CERS6: variants seen among roughly 807,000 people sequenced by gnomAD.
The protein encoded by CERS6 is ceramide synthase 6.
CERS6 carries 26 observed loss-of-function variants against 56.8 expected under a neutral mutation model. The observed-to-expected ratio is 0.46, with a 90% CI of 0.34 to 0.63. The LOEUF (loss-of-function observed/expected upper bound fraction) is 0.63. CERS6 is among the 30% of genes least tolerant of loss of function. The probability of loss-of-function intolerance (pLI) is 0.01; values close to 1 mark genes in which losing one functional copy is unlikely to be tolerated. For missense variants in CERS6, 415 were observed against 467.5 expected (o/e 0.89, Z 1.04); for synonymous variants, 164 against 173.3 (o/e 0.95, Z 0.42).
intron 6 of CERS6, among the ~76,000 whole-genome samples, chr2:168,705,995 C>T (rs557181676): frequency 6.6e-6 from 1 of 152,280 alleles, no homozygotes; most frequent in South Asian, 2.1e-4. Flanking sequence ...TTAAACAGAA[C>T]CCAGAAGGTG....
At chr2:168,643,379 G>A (rs1685092318) in intron 4 of CERS6, among the ~76,000 whole-genome samples, 1 of 152,152 alleles carries the variant, frequency 6.6e-6, no homozygotes, top group Non-Finnish European at 1.5e-5. Context: ...GGCTAGGCAG[G>A]AAAATGATTC....
chr2:168,542,169 C>T (rs1465903638), intron 1 of CERS6, among the ~76,000 whole-genome samples: 3 of 151,818 alleles, frequency 2.0e-5, no homozygotes, highest in African/African-American at 2.4e-5. Context: ...GTTGTGAAAT[C>T]CATTAGCTCA....
chr2:168,588,310 C>G (rs548455008), intron 3 of CERS6, among the ~76,000 whole-genome samples: 1 of 152,232 alleles, frequency 6.6e-6, no homozygotes, highest in South Asian at 2.1e-4. Context: ...CTTCTGCGTA[C>G]ATTCACTGTG....
rs770755770 is a variant in CERS6, at chr2:168,563,882, T to C, written c.407+2560T>C. On this transcript the variant is annotated intron_variant, in intron 3 of 9. Transcript: ENST00000305747. ...TAAAGGGAAAGGATCAACTGTAGGT[T>C]GGGGTGCACGGGGGGTTTGCTGGGA... Among the ~76,000 whole-genome samples, 5 of 151,954 alleles carry C rather than the reference T, an allele frequency of 3.3e-5. No individual in the cohort carries two copies. In the South Asian group the frequency reaches 6.2e-4, roughly 19 times the overall value.
intron 2 of CERS6, 115 bp from the exon 3 acceptor site, chr2:168,561,077 G>T: frequency 9.5e-7 from 1 of 1,052,890 alleles, no homozygotes; most frequent in East Asian, 2.5e-5. Context: ...AATCTCAGTA[G>T]CAGATAGTAA....
At chr2:168,759,427 A>C (rs897842977) in intron 8 of CERS6, among the ~76,000 whole-genome samples, 1 of 152,230 alleles carries the variant, frequency 6.6e-6, no homozygotes, top group African/African-American at 2.4e-5. Flanking sequence ...AAGTGAGCCT[A>C]ACATGAATGA....
chr2:168,664,662 A>G (rs1356332271), intron 4 of CERS6, among the ~76,000 whole-genome samples: 1 of 152,074 alleles, frequency 6.6e-6, no homozygotes, highest in Non-Finnish European at 1.5e-5. Flanking sequence ...GGCATTTGTA[A>G]ACTGTCATGG....
rs114098126 is a variant in CERS6 at position 168,653,138 on chromosome 2, A to G, written c.465+22096A>G. Among the ~76,000 whole-genome samples, 732 of 152,332 alleles carry G rather than the reference A, an allele frequency of 4.8e-3. 5 individuals are homozygous for G. Among genetic ancestry groups the G allele is most frequent in the African/African-American group, 0.017 (702 of 41,576 alleles). On this transcript the variant is annotated intron_variant, in intron 4 of 9. Transcript: ENST00000305747. ...AGTTTCTGTTGTTGTTTTTAACAGT[A>G]TTGTCATGAGTATTAAAATCACTTA...
chr2:168,670,966 T>C (rs1303352112), intron 4 of CERS6, among the ~76,000 whole-genome samples: 32 of 30,562 alleles, frequency 1.0e-3, no homozygotes, highest in Middle Eastern at 0.021. Flanking sequence ...GATACATGCT[T>C]CCCCCCCCCC....
At chr2:168,495,477 A>G (rs1234230430) in intron 1 of CERS6, among the ~76,000 whole-genome samples, 2 of 152,180 alleles carry the variant, frequency 1.3e-5, no homozygotes, top group South Asian at 2.1e-4. Context: ...ACTTGGTTCC[A>G]TCTTTGCTTC....
chr2:168,656,479 C>T (rs1685472531), intron 4 of CERS6, among the ~76,000 whole-genome samples: 1 of 151,722 alleles, frequency 6.6e-6, no homozygotes, highest in Non-Finnish European at 1.5e-5. Flanking sequence ...GAGTTTCTTC[C>T]TTCTGGTGGG....
intron 8 of CERS6, among the ~76,000 whole-genome samples, chr2:168,725,921 A>C (rs1683336676): frequency 6.6e-6 from 1 of 152,176 alleles, no homozygotes; most frequent in Non-Finnish European, 1.5e-5. Flanking sequence ...GAGTAAATCT[A>C]CCCATCATTG....
intron 4 of CERS6, among the ~76,000 whole-genome samples, chr2:168,632,277 T>TC (rs1684765477): frequency 6.6e-6 from 1 of 152,204 alleles, no homozygotes; most frequent in Non-Finnish European, 1.5e-5. Flanking sequence ...TATTACAGAA[T>TC]TTTTGTTAAA....
At chr2:168,652,564 G>GA (rs1685369955) in intron 4 of CERS6, among the ~76,000 whole-genome samples, 1 of 136,962 alleles carries the variant, frequency 7.3e-6, no homozygotes, top group African/African-American at 2.7e-5. Flanking sequence ...AAAGCCAAGG[G>GA]AAAAAAGTGT....
intron 6 of CERS6, among the ~76,000 whole-genome samples, chr2:168,696,855 G>C (rs937653171): frequency 9.9e-5 from 15 of 152,206 alleles, no homozygotes; most frequent in African/African-American, 3.4e-4. Context: ...TTAGTCCCCA[G>C]CAAGCAAGAT....
intron 3 of CERS6, among the ~76,000 whole-genome samples, chr2:168,590,947 A>G (rs1002988242): frequency 2.6e-5 from 4 of 152,234 alleles, no homozygotes; most frequent in African/African-American, 4.8e-5. Context: ...TGGGATTTGC[A>G]TCTTGCTGCC....
At position 168,766,891 on chromosome 2, in the gene CERS6, C is replaced by T. The variant is rs572528682; in HGVS notation, c.1002+1143C>T. 2.0e-4 allele frequency among the ~76,000 whole-genome samples: 30 copies of T among 152,298 alleles called. No homozygotes were observed. In the South Asian group the frequency reaches 5.8e-3, roughly 30 times the overall value. On this transcript the variant is annotated intron_variant, in intron 9 of 9. Coordinates refer to ENST00000305747, the MANE Select transcript of CERS6 (RefSeq NM_203463.3). ...CTATGAAGCCACTTCTCAGCACCAGCTCTAGTAGAAATCCTAATTATTTTG... is the reference window on the plus strand; with the variant it reads ...CTATGAAGCCACTTCTCAGCACCAGTTCTAGTAGAAATCCTAATTATTTTG...
At chr2:168,714,646 G>A (rs772916765) in intron 6 of CERS6, among the ~76,000 whole-genome samples, 1 of 152,092 alleles carries the variant, frequency 6.6e-6, no homozygotes, top group Admixed American at 6.5e-5. Flanking sequence ...GGCATTGATC[G>A]CATTCTTGGT....
At chr2:168,505,215 A>C (rs1011932689) in intron 1 of CERS6, among the ~76,000 whole-genome samples, 7 of 151,386 alleles carry the variant, frequency 4.6e-5, no homozygotes, top group African/African-American at 1.7e-4. Flanking sequence ...CTGTCTCTAT[A>C]AAAAATGCAA....
Sources: gnomAD v4.1 joint callset for allele counts (sites outside exome capture counted in the v4.1 genomes callset) on GRCh38, gnomAD v4.1.1 for gene constraint, MANE v1.5 for transcripts, NCBI Gene and HGNC (gene_info 2026-07-23, HGNC 2026-07-21) for gene names.